Variants in ILDR1 observed in about 807,000 individuals in gnomAD.
The protein encoded by ILDR1 is immunoglobulin like domain containing receptor 1.
Under a neutral mutation model 62.4 loss-of-function variants are expected in ILDR1, and 56 were observed. The ratio of observed to expected loss-of-function variants is 0.90; its 90% CI spans 0.72 to 1.12. The LOEUF (loss-of-function observed/expected upper bound fraction) is 1.12, where lower values mean the gene tolerates loss of function less well. ILDR1 is among the 50% of genes most tolerant of loss of function. The pLI is 0.00. For synonymous variants in ILDR1, 284 were observed against 277.8 expected (o/e 1.02, Z -0.22); for missense variants, 736 against 710.6 (o/e 1.04, Z -0.41).
chr3:122,044,498 G>A, the ILDR1 span, among the ~76,000 whole-genome samples: 1 of 149,360 alleles, frequency 6.7e-6, no homozygotes, highest in Non-Finnish European at 1.5e-5. Flanking sequence ...AATGGTACCA[G>A]CTCCTCCTTG....
At chr3:121,988,446 G>A (rs769606720) in intron 7 of ILDR1, 38 bp from the exon 8 acceptor site, 11 of 1,554,948 alleles carry the variant, frequency 7.1e-6, no homozygotes, top group Admixed American at 1.7e-5. Flanking sequence ...AAAAAATCCA[G>A]TCAGTGCAAT....
chr3:122,039,226 T>C, the ILDR1 span, among the ~76,000 whole-genome samples: 1 of 151,996 alleles, frequency 6.6e-6, no homozygotes, highest in Non-Finnish European at 1.5e-5. Context: ...ATTAATAGCA[T>C]GCCTCCAACC....
intron 7 of ILDR1, among the ~76,000 whole-genome samples, chr3:121,988,881 C>A (rs1270709247): frequency 1.3e-5 from 2 of 152,206 alleles, no homozygotes; most frequent in Non-Finnish European, 2.9e-5. Flanking sequence ...AGTTGTATTT[C>A]AGAGATCACT....
the ILDR1 span, among the ~76,000 whole-genome samples, chr3:122,048,305 T>C: frequency 6.6e-6 from 1 of 152,238 alleles, no homozygotes. Context: ...TAGAGTATAA[T>C]CCTTTTAATG....
chr3:122,027,334 C>A, the ILDR1 span, among the ~76,000 whole-genome samples: 1 of 152,080 alleles, frequency 6.6e-6, no homozygotes, highest in Non-Finnish European at 1.5e-5. Flanking sequence ...GGATTACCTG[C>A]GCCCACCACT....
At chr3:122,036,034 A>T in the ILDR1 span, among the ~76,000 whole-genome samples, 1 of 152,208 alleles carries the variant, frequency 6.6e-6, no homozygotes, top group Non-Finnish European at 1.5e-5. Context: ...GTCTAGGCTG[A>T]GGTGGTCTCA....
upstream of ILDR1, among the ~76,000 whole-genome samples, chr3:122,026,543 T>G (rs2071922676): frequency 6.6e-6 from 1 of 152,180 alleles, no homozygotes; most frequent in South Asian, 2.1e-4. Context: ...TCAGACACAT[T>G]GCGCTAGAGA....
the ILDR1 span, chr3:122,055,582 T>G: frequency 7.7e-7 from 1 of 1,296,928 alleles, no homozygotes; most frequent in Non-Finnish European, 1.1e-6. Flanking sequence ...AGATGGTGCT[T>G]TGATGTGTGT....
At chr3:122,041,120 A>G in the ILDR1 span, among the ~76,000 whole-genome samples, 2 of 152,342 alleles carry the variant, frequency 1.3e-5, no homozygotes, top group Middle Eastern at 3.4e-3. Context: ...CAGACACCTT[A>G]CCAAAGAAGA....
At chr3:122,045,278 A>T in the ILDR1 span, among the ~76,000 whole-genome samples, 1 of 148,546 alleles carries the variant, frequency 6.7e-6, no homozygotes, top group East Asian at 2.0e-4. Flanking sequence ...CTGTGGTCTG[A>T]GAGATAGTTT....
rs532839058 is a variant in ILDR1, at chr3:121,995,333, T to C, written c.647-1020A>G. Among the ~76,000 whole-genome samples, 13 of 152,256 alleles carry C rather than the reference T, an allele frequency of 8.5e-5. No homozygotes were observed. In the South Asian group the frequency reaches 2.7e-3, roughly 32 times the overall value. ...CCAGCCTGGCATTCTCAGTTCCTCC[T>C]TGCTTCCCTGGGCCCTGTGGCCACC... On this transcript the variant is annotated intron_variant, in intron 5 of 7. Coordinates refer to ENST00000344209, the MANE Select transcript of ILDR1 (RefSeq NM_001199799.2).
In ILDR1 at chr3:121,987,542, T is replaced by C. The variant is rs2071268726; in HGVS notation, c.*825A>G. 6.6e-6 allele frequency: 1 copy of C among 152,224 alleles called. No individual in the cohort carries two copies. Among genetic ancestry groups the C allele is most frequent in the Non-Finnish European group, 1.5e-5 (1 of 68,064 alleles). The allele number at this position is 152,224 out of a possible 1,614,324, so 9.4% of individuals were successfully genotyped here. ...GCAAAACTGCTTCTCTGTGATTTTC[T>C]ACACTTACAATAAATAGTCCATTTA... On this transcript the variant is annotated 3_prime_UTR_variant, in exon 8 of 8. Coordinates refer to ENST00000344209, the MANE Select transcript of ILDR1 (RefSeq NM_001199799.2).
chr3:122,001,403 A>G lies in ILDR1; in HGVS notation c.551T>C (p.Leu184Pro), dbSNP rs553331037. The change falls in exon 5 of 8, where the codon CTG becomes CCG. Residue 184 changes from leucine (L) to proline (P), a missense_variant. By Grantham distance (98) the Leu-to-Pro change is moderately conservative. Transcript: ENST00000344209. Reference protein sequence around the residue: ...IILGALLLLLLIGVCWCQCCP... With the variant: ...IILGALLLLLPIGVCWCQCCP... ...GCACTGGCACCAGCACACTCCAATC[A>G]GCAGCAGGAGGAGGAGGGCTCCCAG... 1.2e-6 allele frequency: 2 copies of G among 1,614,180 alleles called. No homozygotes were observed. Among genetic ancestry groups the G allele is most frequent in the African/African-American group, 2.7e-5 (2 of 75,038 alleles).
In ILDR1 at chr3:121,987,976, G is replaced by A; in HGVS notation, c.*391C>T. ...CTGGAATACAGATGTGTGATCATGGGATCCTGGCTCATTGCAGCCTTGCAC... is the reference window on the plus strand; with the variant it reads ...CTGGAATACAGATGTGTGATCATGGAATCCTGGCTCATTGCAGCCTTGCAC... On this transcript the variant is annotated 3_prime_UTR_variant, in exon 8 of 8. Coordinates refer to ENST00000344209, the MANE Select transcript of ILDR1 (RefSeq NM_001199799.2). The A allele has an allele frequency of 2.9e-6, 1 of 349,842 alleles. No individual in the cohort carries two copies. The allele number at this position is 349,842 out of a possible 1,614,324, so 21.7% of individuals were successfully genotyped here.
chr3:122,007,534 G>A (rs887803990), intron 1 of ILDR1, among the ~76,000 whole-genome samples: 3 of 152,088 alleles, frequency 2.0e-5, no homozygotes, highest in East Asian at 1.9e-4. Flanking sequence ...ATGGTTTCCC[G>A]TTTCCTAAGG....
the ILDR1 span, among the ~76,000 whole-genome samples, chr3:122,028,049 C>T: frequency 1.2e-4 from 18 of 151,904 alleles, no homozygotes; most frequent in Admixed American, 4.6e-4. Flanking sequence ...GAAAACTGGC[C>T]GGGCGCGGTG....
chr3:121,993,579 C>T lies in ILDR1; in HGVS notation c.1170G>A (p.Leu390=). 1.2e-6 allele frequency: 2 copies of T among 1,614,234 alleles called. No individual in the cohort carries two copies. The highest frequency in any genetic ancestry group is 3.3e-5 in the Admixed American group (2 of 60,028). ...LQDRGPKSWA[L]ERRELDPSWS... ...ACGATGGGTCCAACTCCCTTCTTTC[C>T]AATGCCCAAGACTTTGGCCCCCGGT... The change falls in exon 7 of 8, where the codon TTG becomes TTA. Residue 390 remains leucine, a synonymous_variant. Coordinates refer to ENST00000344209, the MANE Select transcript of ILDR1 (RefSeq NM_001199799.2).
chr3:122,060,506 A>T, the ILDR1 span, among the ~76,000 whole-genome samples: 1 of 152,132 alleles, frequency 6.6e-6, no homozygotes, highest in South Asian at 2.1e-4. Flanking sequence ...AACAGAGCTG[A>T]GGTCAATGGC....
chr3:122,025,008 C>T (rs2071908451), upstream of ILDR1, among the ~76,000 whole-genome samples: 1 of 152,200 alleles, frequency 6.6e-6, no homozygotes, highest in Non-Finnish European at 1.5e-5. Flanking sequence ...CCCACATGTG[C>T]CATTCGTCCA....
Sources: gnomAD v4.1 joint callset for allele counts (sites outside exome capture counted in the v4.1 genomes callset) on GRCh38, gnomAD v4.1.1 for gene constraint, MANE v1.5 for transcripts, NCBI Gene and HGNC (gene_info 2026-07-23, HGNC 2026-07-21) for gene names.